The following DOK5 variants were observed in gnomAD, a reference collection of about 807,000 sequenced individuals.
DOK5 encodes the protein docking protein 5.
Under a neutral mutation model 43.3 loss-of-function variants are expected in DOK5, and 27 were observed. That is an observed-to-expected ratio of 0.62 (90% CI 0.46 to 0.86). DOK5 has a LOEUF of 0.86. Among genes scored for constraint, DOK5 ranks in the 40% least tolerant of loss-of-function variants. The probability of loss-of-function intolerance (pLI) is 0.00; values close to 1 mark genes in which losing one functional copy is unlikely to be tolerated. For synonymous variants in DOK5, 146 were observed against 140.1 expected, an observed-to-expected ratio of 1.04 and a Z score of -0.30; for missense variants, 373 against 392.9, an observed-to-expected ratio of 0.95 and a Z score of 0.43.
rs376053111 is a variant in DOK5, at chr20:54,637,979, A to G, written c.736-5479A>G. 5.9e-5 allele frequency among the ~76,000 whole-genome samples: 9 copies of G among 152,238 alleles called. No homozygotes were observed. The South Asian group carries it at 1.0e-3, about 18-fold the overall frequency. On this transcript the variant is annotated intron_variant, in intron 6 of 7. Transcript: ENST00000262593. ...CTACTAAAAATACAAATAATCAGCC[A>G]GGCGTGGTGGCGGGCACCTGTAGTC... is the stretch of plus-strand genomic sequence containing the variant.
rs772100966 is a variant in DOK5, at chr20:54,610,518, T to A, written c.730T>A (p.Ser244Thr). 6.7e-7 allele frequency: 1 copy of A among 1,500,250 alleles called. No homozygotes were observed. The highest frequency in any genetic ancestry group is 8.9e-7 in the Non-Finnish European group (1 of 1,121,014). 92.9% of individuals were successfully genotyped at this position (1,500,250 alleles called of 1,614,324 possible). A position where few individuals can be genotyped will look rare whatever the true frequency, so the allele number is the denominator to read the frequency against. Reference protein sequence around the residue: ...HERLLQSVKNSMLQMKMSERA... With the variant: ...HERLLQSVKNTMLQMKMSERA... ...GCGCTTGCTACAGAGTGTGAAAAAC[T>A]CGATGGTACGTTTGGAATTTCTTCC... Residue 244 changes from serine (S) to threonine (T), a missense_variant, in exon 6 of 8, where the codon TCG becomes ACG. Ser to Thr is a moderately conservative substitution (Grantham distance 58). Coordinates refer to ENST00000262593, the MANE Select transcript of DOK5 (RefSeq NM_018431.5).
intron 1 of DOK5, among the ~76,000 whole-genome samples, chr20:54,545,796 A>G (rs570022665): frequency 6.6e-6 from 1 of 152,358 alleles, no homozygotes; most frequent in Non-Finnish European, 1.5e-5. Context: ...AACTCCCTTC[A>G]AAACTATCAC....
chr20:54,558,471 C>A (rs1417809375), intron 2 of DOK5, among the ~76,000 whole-genome samples: 4 of 152,132 alleles, frequency 2.6e-5, no homozygotes, highest in African/African-American at 7.2e-5. Context: ...GCTGATTCAT[C>A]CTCTACTCTT....
chr20:54,595,317 G>A (rs1459079280), intron 5 of DOK5, among the ~76,000 whole-genome samples: 2 of 152,088 alleles, frequency 1.3e-5, no homozygotes, highest in East Asian at 1.9e-4. Context: ...TCCAGCCTGG[G>A]TGACACAGCG....
At chr20:54,595,161 G>GA (rs1345705315) in intron 5 of DOK5, among the ~76,000 whole-genome samples, 2 of 152,162 alleles carry the variant, frequency 1.3e-5, no homozygotes, top group Non-Finnish European at 2.9e-5. Context: ...CTAACACGGT[G>GA]AAACCCCATC....
At chr20:54,527,157 T>C (rs1983604863) in intron 1 of DOK5, among the ~76,000 whole-genome samples, 1 of 152,228 alleles carries the variant, frequency 6.6e-6, no homozygotes. Flanking sequence ...GAATGATATA[T>C]GGGGTCTGTT....
intron 1 of DOK5, among the ~76,000 whole-genome samples, chr20:54,517,895 GC>G (rs958448847): frequency 6.6e-6 from 1 of 152,136 alleles, no homozygotes. Flanking sequence ...TGCTGAACTT[GC>G]CAGTGCCTTG....
intron 7 of DOK5, among the ~76,000 whole-genome samples, chr20:54,649,258 C>CA (rs1049677503): frequency 5.3e-5 from 8 of 151,990 alleles, no homozygotes; most frequent in Admixed American, 2.6e-4. Flanking sequence ...CCCCTCCCTA[C>CA]AAAAAATCCA....
intron 2 of DOK5, 103 bp from the exon 3 acceptor site, chr20:54,588,380 C>T: frequency 1.1e-6 from 1 of 883,384 alleles, no homozygotes; most frequent in South Asian, 1.4e-5. Context: ...AGGTTGTGCT[C>T]AGCTGTGCTG....
chr20:54,554,987 AG>A lies in DOK5; in HGVS notation c.122del (p.Arg41AsnfsTer25). 3 of 1,614,066 alleles carry A rather than the reference AG, an allele frequency of 1.9e-6. No homozygotes were observed. Among genetic ancestry groups the A allele is most frequent in the Non-Finnish European group, 2.5e-6 (3 of 1,179,944 alleles). On this transcript the variant is annotated frameshift_variant, in exon 2 of 8. Coordinates refer to ENST00000262593, the MANE Select transcript of DOK5 (RefSeq NM_018431.5). LOFTEE classifies it high-confidence loss of function. ...FKKASSKGPK[R>X]LEKFSDERAA... ...GAAAGCTTCAAGCAAAGGTCCAAAAAGACTGGAGAAATTTTCTGATGAACGT... is the reference window on the plus strand; with the variant it reads ...GAAAGCTTCAAGCAAAGGTCCAAAAAACTGGAGAAATTTTCTGATGAACGT...
intron 1 of DOK5, among the ~76,000 whole-genome samples, chr20:54,512,158 G>GC (rs1983036542): frequency 1.3e-5 from 2 of 152,174 alleles, no homozygotes; most frequent in African/African-American, 2.4e-5. Context: ...ATAATGAGTA[G>GC]ACTCACCTAT....
At chr20:54,489,033 G>C (rs1367624923) in intron 1 of DOK5, among the ~76,000 whole-genome samples, 1 of 152,102 alleles carries the variant, frequency 6.6e-6, no homozygotes, top group African/African-American at 2.4e-5. Flanking sequence ...GGTGTATTCA[G>C]ATGTAAGAAG....
chr20:54,476,333 G>A (rs1342397540), intron 1 of DOK5: 8 of 636,010 alleles, frequency 1.3e-5, no homozygotes, highest in Non-Finnish European at 1.6e-5. Flanking sequence ...GCCCGGGCGG[G>A]GGTGCCTGCC....
In DOK5 at chr20:54,475,615, G is replaced by A; in HGVS notation, c.-332G>A. ...CTCCTTCTTCTCCTCCTTCTCGGCC[G>A]GGAGGAGGCAGGGCTGGATCCCTCA... On this transcript the variant is annotated 5_prime_UTR_variant, in exon 1 of 8. Coordinates refer to ENST00000262593, the MANE Select transcript of DOK5 (RefSeq NM_018431.5). The surrounding 1 kb of genome is among the most constrained non-coding windows in gnomAD (Gnocchi z 4.2). The A allele has an allele frequency of 2.7e-6, 1 of 374,082 alleles. No homozygotes were observed. The highest frequency in any genetic ancestry group is 4.9e-6 in the Non-Finnish European group (1 of 205,666). 23.2% of individuals were successfully genotyped at this position (374,082 alleles called of 1,614,324 possible).
chr20:54,600,853 T>C (rs574629721), intron 5 of DOK5, among the ~76,000 whole-genome samples: 11 of 152,190 alleles, frequency 7.2e-5, no homozygotes, highest in Non-Finnish European at 1.3e-4. Flanking sequence ...AAGGGCTATT[T>C]TTAGATGAGG....
At chr20:54,493,158 C>T (rs943373596) in intron 1 of DOK5, among the ~76,000 whole-genome samples, 1 of 151,822 alleles carries the variant, frequency 6.6e-6, no homozygotes, top group Non-Finnish European at 1.5e-5. Context: ...AAATTGATTA[C>T]CTAAAAATTG....
At chr20:54,618,489 A>C (rs972780733) in intron 6 of DOK5, among the ~76,000 whole-genome samples, 1 of 151,898 alleles carries the variant, frequency 6.6e-6, no homozygotes, top group Non-Finnish European at 1.5e-5. Flanking sequence ...GATTATAGGC[A>C]CCTGCCAGCA....
At chr20:54,561,849 G>A (rs181777260) in intron 2 of DOK5, among the ~76,000 whole-genome samples, 31 of 152,200 alleles carry the variant, frequency 2.0e-4, no homozygotes, top group Non-Finnish European at 2.6e-4. Context: ...AGAGATGGGG[G>A]TTTCTCCTTG....
chr20:54,526,967 A>G (rs1379475640), intron 1 of DOK5, among the ~76,000 whole-genome samples: 1 of 152,108 alleles, frequency 6.6e-6, no homozygotes, highest in Non-Finnish European at 1.5e-5. Context: ...TTCCTGGTTT[A>G]TTGTTGTTGT....
Sources: allele counts gnomAD v4.1 joint callset (sites outside exome capture counted in the v4.1 genomes callset), GRCh38; gene constraint gnomAD v4.1.1; non-coding constraint Gnocchi (gnomAD v3.1); transcripts MANE v1.5; gene names NCBI Gene and HGNC (gene_info 2026-07-23, HGNC 2026-07-21).